The following ORC3 variants were observed in gnomAD, a reference collection of about 807,000 sequenced individuals.
ORC3 encodes origin recognition complex subunit 3, also known as homolog of latheo, Drosophila.
Under a neutral mutation model 100.7 loss-of-function variants are expected in ORC3, and 78 were observed. The observed-to-expected ratio is 0.77, with a 90% CI of 0.65 to 0.94. The LOEUF is 0.94. ORC3 is among the 40% of genes least tolerant of loss of function. ORC3 has a pLI of 0.00. For synonymous variants in ORC3, 295 were observed against 289.3 expected (o/e 1.02, Z -0.20); for missense variants, 789 against 823.9 (o/e 0.96, Z 0.52).
chr6:87,635,388 C>T (rs1472751539), intron 12 of ORC3, among the ~76,000 whole-genome samples: 9 of 152,160 alleles, frequency 5.9e-5, no homozygotes, highest in Non-Finnish European at 1.5e-5. Context: ...CTCAGCTGGC[C>T]TTTATGTTAT....
At chr6:87,667,842 T>C (rs1770745676), downstream of ORC3, among the ~76,000 whole-genome samples, 1 of 152,098 alleles carries the variant, frequency 6.6e-6, no homozygotes, top group Non-Finnish European at 1.5e-5. Flanking sequence ...GGCAGGGGAA[T>C]TGCTCGAACC....
At chr6:87,590,257 A>G in intron 1 of ORC3, 65 bp downstream of exon 1, 1 of 1,531,034 alleles carries the variant, frequency 6.5e-7, no homozygotes, top group Non-Finnish European at 9.1e-7. Context: ...AGAAGGGATG[A>G]AGCCGAGGTT....
chr6:87,672,954 G>T, the ORC3 span, among the ~76,000 whole-genome samples: 4 of 152,076 alleles, frequency 2.6e-5, no homozygotes, highest in South Asian at 8.3e-4. Context: ...ACACAATTCT[G>T]TAGATACTTA....
chr6:87,594,353 G>T lies in ORC3; in HGVS notation c.25G>T (p.Gly9Cys). Reference sequence around the variant, plus strand: ...ATGCTTTTCGTCTTTCTTTTTATAGGGTTGCTTTGTTTTTAAGCCAAACTC... The same window carrying T: ...ATGCTTTTCGTCTTTCTTTTTATAGTGTTGCTTTGTTTTTAAGCCAAACTC... MATSSMSKGCFVFKPNSKK... is the reference protein window; with the variant it reads MATSSMSKCCFVFKPNSKK... Residue 9 changes from glycine (G) to cysteine (C), a missense_variant and splice_region_variant, in exon 2 of 20, where the codon GGT becomes TGT. By Grantham distance (159) the Gly-to-Cys change is radical. Coordinates refer to ENST00000392844, the MANE Select transcript of ORC3 (RefSeq NM_012381.4). The T allele has an allele frequency of 6.3e-7, 1 of 1,577,884 alleles. No individual in the cohort carries two copies.
At chr6:87,670,229 G>C (rs749915582), downstream of ORC3, among the ~76,000 whole-genome samples, 1 of 152,062 alleles carries the variant, frequency 6.6e-6, no homozygotes, top group Non-Finnish European at 1.5e-5. Context: ...GCAGTGACAC[G>C]ATTTGGGCTC....
the ORC3 span, among the ~76,000 whole-genome samples, chr6:87,674,031 T>G: frequency 6.6e-6 from 1 of 151,580 alleles, no homozygotes; most frequent in Non-Finnish European, 1.5e-5. Context: ...GAGGTCTGGC[T>G]GGGCGCAGTG....
At chr6:87,604,783 ATATTTTC>A (rs1482605064) in intron 4 of ORC3, among the ~76,000 whole-genome samples, 3 of 151,990 alleles carry the variant, frequency 2.0e-5, no homozygotes, top group Admixed American at 2.0e-4. Flanking sequence ...AATCATTTTG[ATATTTTC>A]TATTTTCAAT....
chr6:87,662,790 AG>A (rs1770294395), intron 16 of ORC3, among the ~76,000 whole-genome samples: 1 of 152,154 alleles, frequency 6.6e-6, no homozygotes, highest in Admixed American at 6.5e-5. Context: ...AAACTGTATT[AG>A]AGCTGATATT....
chr6:87,616,806 T>G (rs1217031364), intron 9 of ORC3, among the ~76,000 whole-genome samples: 1 of 145,404 alleles, frequency 6.9e-6, no homozygotes, highest in Non-Finnish European at 1.5e-5. Flanking sequence ...CATTTTTAGC[T>G]TTTTTTTTTT....
intron 13 of ORC3, among the ~76,000 whole-genome samples, chr6:87,640,829 G>A (rs1325468221): frequency 6.6e-6 from 1 of 152,178 alleles, no homozygotes; most frequent in Non-Finnish European, 1.5e-5. Context: ...GCTGGGTGTG[G>A]TGGCTCATGC....
chr6:87,651,054 C>A (rs1769224193), intron 13 of ORC3: 4 of 398,934 alleles, frequency 1.0e-5, no homozygotes, highest in Non-Finnish European at 2.0e-5. Context: ...CTATTTGAAT[C>A]CCTGGCAGTT....
intron 13 of ORC3, among the ~76,000 whole-genome samples, chr6:87,646,367 AT>A (rs1377169252): frequency 1.3e-5 from 2 of 151,850 alleles, no homozygotes; most frequent in Admixed American, 6.6e-5. Context: ...TATCTTAGAC[AT>A]TTTTTTTATT....
chr6:87,672,517 A>C, the ORC3 span, among the ~76,000 whole-genome samples: 1 of 152,178 alleles, frequency 6.6e-6, no homozygotes, highest in Non-Finnish European at 1.5e-5. Context: ...GTAGACATAG[A>C]CTATTCGGGT....
At chr6:87,621,516 T>A (rs1445216867) in intron 10 of ORC3, 29 bp downstream of exon 10, 13 of 1,504,334 alleles carry the variant, frequency 8.6e-6, no homozygotes, top group Admixed American at 4.5e-5. Flanking sequence ...GTTTAACACA[T>A]ACTATACTAG....
intron 13 of ORC3, among the ~76,000 whole-genome samples, chr6:87,646,792 A>C (rs868593104): frequency 2.6e-5 from 4 of 152,110 alleles, no homozygotes; most frequent in African/African-American, 7.2e-5. Flanking sequence ...GTAAGCCTAT[A>C]CCTCTCTCCT....
chr6:87,644,449 A>G (rs1768581968), intron 13 of ORC3, among the ~76,000 whole-genome samples: 2 of 152,000 alleles, frequency 1.3e-5, no homozygotes, highest in East Asian at 2.0e-4. Flanking sequence ...GCTCATGCCT[A>G]TAATCCCAGC....
intron 2 of ORC3, among the ~76,000 whole-genome samples, chr6:87,601,196 A>T (rs887398714): frequency 6.6e-6 from 1 of 152,230 alleles, no homozygotes; most frequent in African/African-American, 2.4e-5. Flanking sequence ...ATATAACTCA[A>T]AAAAGCCACT....
intron 13 of ORC3, among the ~76,000 whole-genome samples, 177 bp from the exon 14 acceptor site, chr6:87,652,939 A>C: frequency 6.6e-6 from 1 of 152,222 alleles, no homozygotes; most frequent in Non-Finnish European, 1.5e-5. Context: ...CCCTTCAAGA[A>C]TTCTTCTGAA....
At chr6:87,662,005 G>A (rs183383217) in intron 16 of ORC3, among the ~76,000 whole-genome samples, 31 of 152,092 alleles carry the variant, frequency 2.0e-4, no homozygotes, top group Admixed American at 5.9e-4. Context: ...GCTCATAGGT[G>A]AAAAAAATCC....
Sources: gnomAD v4.1 joint callset for allele counts (sites outside exome capture counted in the v4.1 genomes callset) on GRCh38, gnomAD v4.1.1 for gene constraint, MANE v1.5 for transcripts, NCBI Gene and HGNC (gene_info 2026-07-23, HGNC 2026-07-21) for gene names.